ARHGEF26: variants seen among roughly 807,000 people sequenced by gnomAD.
ARHGEF26 encodes Rho guanine nucleotide exchange factor (GEF) 26.
In ARHGEF26, 59 loss-of-function variants were observed where a neutral mutation model predicts 89.4. The ratio of observed to expected loss-of-function variants is 0.66; its 90% CI spans 0.54 to 0.82. The LOEUF (loss-of-function observed/expected upper bound fraction) is 0.82, where lower values mean the gene tolerates loss of function less well. ARHGEF26 is among the 40% of genes least tolerant of loss of function. The probability of loss-of-function intolerance (pLI) is 0.00; values close to 1 mark genes in which losing one functional copy is unlikely to be tolerated. For missense variants in ARHGEF26, 1,234 were observed against 1,085.6 expected, an observed-to-expected ratio of 1.14 and a Z score of -1.92; for synonymous variants, 500 against 428.4, an observed-to-expected ratio of 1.17 and a Z score of -2.06.
At chr3:154,215,835 C>T (rs1430510627) in intron 9 of ARHGEF26, among the ~76,000 whole-genome samples, 1 of 152,032 alleles carries the variant, frequency 6.6e-6, no homozygotes, top group African/African-American at 2.4e-5. Flanking sequence ...ATCACATTGC[C>T]TCGTAATATT....
chr3:154,229,584 C>T (rs1716710477), intron 11 of ARHGEF26, among the ~76,000 whole-genome samples: 1 of 152,114 alleles, frequency 6.6e-6, no homozygotes, highest in African/African-American at 2.4e-5. Flanking sequence ...CATTTTGGGG[C>T]CTGATGTTTC....
At chr3:154,236,823 C>T (rs554034659) in intron 11 of ARHGEF26, among the ~76,000 whole-genome samples, 50 of 152,310 alleles carry the variant, frequency 3.3e-4, no homozygotes, top group African/African-American at 1.1e-3. Flanking sequence ...TAAAGACCTA[C>T]ATTATTTATT....
In ARHGEF26 at chr3:154,257,369, TTTTAAAAGAGAGGC is replaced by T. The variant is rs1718588283; in HGVS notation, c.*1898_*1911del. ...CACCTCTTTAATAATGTCACAGACT[TTTTAAAAGAGAGGC>T]TATCAAGTTGTAATATAATCTGTCA... is the stretch of plus-strand genomic sequence containing the variant. On this transcript the variant is annotated 3_prime_UTR_variant, in exon 15 of 15. Coordinates refer to ENST00000465093, the MANE Select transcript of ARHGEF26 (RefSeq NM_015595.4). 1 of 153,980 alleles carries T rather than the reference TTTTAAAAGAGAGGC, an allele frequency of 6.5e-6. No individual in the cohort carries two copies. The allele number at this position is 153,980 out of a possible 1,614,324, so 9.5% of individuals were successfully genotyped here.
chr3:154,242,875 T>C (rs1717558360), intron 12 of ARHGEF26, among the ~76,000 whole-genome samples: 1 of 152,028 alleles, frequency 6.6e-6, no homozygotes, highest in Non-Finnish European at 1.5e-5. Flanking sequence ...AACAAATGCC[T>C]TTCTCTGAGA....
chr3:154,215,578 T>A (rs1471481125), intron 9 of ARHGEF26, among the ~76,000 whole-genome samples: 1 of 152,044 alleles, frequency 6.6e-6, no homozygotes, highest in East Asian at 1.9e-4. Flanking sequence ...ATAAACTGGG[T>A]GGTTTAAGGA....
chr3:154,169,397 A>C (rs957110072), intron 6 of ARHGEF26, among the ~76,000 whole-genome samples: 5 of 152,086 alleles, frequency 3.3e-5, no homozygotes, highest in Non-Finnish European at 1.5e-5. Context: ...GTTTCCTGAC[A>C]CGCGTGTTTC....
chr3:154,163,519 T>C (rs1391372016), intron 6 of ARHGEF26, among the ~76,000 whole-genome samples: 1 of 152,220 alleles, frequency 6.6e-6, no homozygotes, highest in Non-Finnish European at 1.5e-5. Context: ...TAAATTTTAA[T>C]TTAAATTTTA....
intron 11 of ARHGEF26, among the ~76,000 whole-genome samples, chr3:154,239,975 G>A (rs1576818826): frequency 6.6e-6 from 1 of 152,002 alleles, no homozygotes; most frequent in African/African-American, 2.4e-5. Context: ...GGGGGGTGAG[G>A]TCTTGTTACC....
intron 11 of ARHGEF26, among the ~76,000 whole-genome samples, chr3:154,239,261 G>GGGAGAGA: frequency 9.5e-6 from 1 of 105,662 alleles, no homozygotes; most frequent in African/African-American, 4.1e-5. Flanking sequence ...AGAGAGAGAG[G>GGGAGAGA]GAGAGAGAGA....
rs1713619884 is a variant in ARHGEF26, at chr3:154,187,165, C to G, written c.1488-520C>G. 3.2e-6 allele frequency: 3 copies of G among 949,250 alleles called. No homozygotes were observed. In the South Asian group the frequency reaches 1.5e-4, roughly 46 times the overall value. The allele number at this position is 949,250 out of a possible 1,614,324, so 58.8% of individuals were successfully genotyped here. ...TCGGCCTCCCAGAGTGCTGGGATTA[C>G]ACATGTGAGCCACCACACCTCCTGG... On this transcript the variant is annotated intron_variant, in intron 6 of 14. Coordinates refer to ENST00000465093, the MANE Select transcript of ARHGEF26 (RefSeq NM_015595.4).
At position 154,121,928 on chromosome 3, in the gene ARHGEF26, T is replaced by G; in HGVS notation, c.-51-14T>G. Reference sequence around the variant, plus strand: ...TGTCCAGAGGCACAGTTTCCTAACTTCTTTCCTCTTTAGGCAAGACTAACT... The same window carrying G: ...TGTCCAGAGGCACAGTTTCCTAACTGCTTTCCTCTTTAGGCAAGACTAACT... On this transcript the variant is annotated splice_polypyrimidine_tract_variant and intron_variant, in intron 1 of 14. Transcript: ENST00000465093. 7.3e-6 allele frequency: 11 copies of G among 1,515,070 alleles called. No individual in the cohort carries two copies. The highest frequency in any genetic ancestry group is 9.7e-6 in the Non-Finnish European group (11 of 1,130,652). 93.9% of individuals were successfully genotyped at this position (1,515,070 alleles called of 1,614,324 possible). A position where few individuals can be genotyped will look rare whatever the true frequency, so the allele number is the denominator to read the frequency against.
At chr3:154,246,896 T>G (rs1436829819) in intron 12 of ARHGEF26, among the ~76,000 whole-genome samples, 1 of 152,170 alleles carries the variant, frequency 6.6e-6, no homozygotes, top group African/African-American at 2.4e-5. Flanking sequence ...AGCTGCTAGC[T>G]TGAGTTGTTT....
rs949826179 is a variant in ARHGEF26, at chr3:154,122,717, C to T, written c.725C>T (p.Ala242Val). ...SVVLSTNSPA[A>V]LKVGKQQIIP... ...GTTTTGAGTACAAACAGCCCCGCCG[C>T]CCTCAAAGTGGGGAAGCAGCAGATC... The change falls in exon 2 of 15, where the codon GCC becomes GTC. Residue 242 changes from alanine (A) to valine (V), a missense_variant. Transcript: ENST00000465093. 24 of 1,613,472 alleles carry T rather than the reference C, an allele frequency of 1.5e-5. No individual in the cohort carries two copies. The highest frequency in any genetic ancestry group is 4.0e-5 in the African/African-American group (3 of 74,934).
chr3:154,197,787 G>C (rs1231073989), intron 9 of ARHGEF26, among the ~76,000 whole-genome samples: 2 of 152,014 alleles, frequency 1.3e-5, no homozygotes, highest in African/African-American at 2.4e-5. Context: ...TTAACATGCT[G>C]GGGGGAGAAA....
chr3:154,217,656 A>G (rs946871610), intron 9 of ARHGEF26, among the ~76,000 whole-genome samples: 3 of 152,190 alleles, frequency 2.0e-5, no homozygotes, highest in Admixed American at 6.5e-5. Flanking sequence ...TCCCTGAGAT[A>G]GGGTGACCTT....
chr3:154,148,960 G>A (rs1719845770), intron 4 of ARHGEF26, among the ~76,000 whole-genome samples: 1 of 152,144 alleles, frequency 6.6e-6, no homozygotes, highest in South Asian at 2.1e-4. Context: ...CCTTAGAAAT[G>A]GGATGCCTTT....
At chr3:154,163,915 A>G (rs1711820226) in intron 6 of ARHGEF26, among the ~76,000 whole-genome samples, 1 of 151,976 alleles carries the variant, frequency 6.6e-6, no homozygotes, top group Non-Finnish European at 1.5e-5. Flanking sequence ...TTTTGCATGT[A>G]TGCTGTCTAT....
intron 9 of ARHGEF26, among the ~76,000 whole-genome samples, chr3:154,210,968 G>A (rs950746199): frequency 2.0e-5 from 3 of 151,650 alleles, no homozygotes; most frequent in African/African-American, 7.3e-5. Context: ...AATTTGTCTG[G>A]GAGGTGGGGC....
At chr3:154,244,908 C>T (rs887017884) in intron 12 of ARHGEF26, among the ~76,000 whole-genome samples, 1 of 146,224 alleles carries the variant, frequency 6.8e-6, no homozygotes, top group African/African-American at 2.6e-5. Flanking sequence ...GTTCCACCCC[C>T]ACTTTGCTGC....
Sources: gnomAD v4.1 joint callset for allele counts (sites outside exome capture counted in the v4.1 genomes callset) on GRCh38, gnomAD v4.1.1 for gene constraint, MANE v1.5 for transcripts, NCBI Gene and HGNC (gene_info 2026-07-23, HGNC 2026-07-21) for gene names.